Variants in ITPR2 observed in about 807,000 individuals in gnomAD.
The protein encoded by ITPR2 is inositol 1,4,5-trisphosphate-gated calcium channel ITPR2.
A neutral mutation model predicts 317.1 loss-of-function variants in ITPR2; 207 were observed. That is an observed-to-expected ratio of 0.65 (90% CI 0.58 to 0.73). The LOEUF is 0.73. Among genes scored for constraint, ITPR2 ranks in the 30% least tolerant of loss-of-function variants. The pLI is 0.00. For missense variants in ITPR2, 2,613 were observed against 3,284.0 expected, an observed-to-expected ratio of 0.80 and a Z score of 4.99; for synonymous variants, 1,156 against 1,149.1, an observed-to-expected ratio of 1.01 and a Z score of -0.12.
intron 34 of ITPR2, among the ~76,000 whole-genome samples, chr12:26,567,760 G>A (rs1945014840): frequency 6.6e-6 from 1 of 151,140 alleles, no homozygotes; most frequent in Non-Finnish European, 1.5e-5. Flanking sequence ...CAATTTAGCT[G>A]TCCATTGTTT....
intron 32 of ITPR2, among the ~76,000 whole-genome samples, chr12:26,588,856 C>T (rs980689160): frequency 1.3e-5 from 2 of 152,194 alleles, no homozygotes; most frequent in Non-Finnish European, 2.9e-5. Flanking sequence ...TTTCATTCTG[C>T]TAGTACATCA....
intron 34 of ITPR2, among the ~76,000 whole-genome samples, chr12:26,570,933 C>T (rs1484710246): frequency 6.6e-6 from 1 of 152,168 alleles, no homozygotes; most frequent in African/African-American, 2.4e-5. Context: ...TCCTTACTTG[C>T]TCCCACCATC....
intron 2 of ITPR2, among the ~76,000 whole-genome samples, chr12:26,766,701 G>A (rs1394037913): frequency 6.6e-6 from 1 of 152,064 alleles, no homozygotes; most frequent in African/African-American, 2.4e-5. Context: ...CCTAACCCAA[G>A]GTCATACAGA....
chr12:26,711,069 T>A, intron 9 of ITPR2, 104 bp downstream of exon 9: 1 of 701,256 alleles, frequency 1.4e-6, no homozygotes, highest in Non-Finnish European at 2.6e-6. Flanking sequence ...ATCAAATTTG[T>A]GTAATGACTG....
chr12:26,466,196 C>T (rs1352276688), intron 45 of ITPR2, among the ~76,000 whole-genome samples: 1 of 152,194 alleles, frequency 6.6e-6, no homozygotes, highest in East Asian at 1.9e-4. Context: ...AAGTGTTGAT[C>T]ATTGTCCCTG....
intron 2 of ITPR2, among the ~76,000 whole-genome samples, chr12:26,781,761 AGGCTGACCTACCCTTAATCTGGGTG>A (rs1395093573): frequency 6.6e-6 from 1 of 151,972 alleles, no homozygotes; most frequent in African/African-American, 2.4e-5. Context: ...GGGCTGGGAA[AGGCTGACCTACCCTTAATCTGGGTG>A]GGCACCATCT....
intron 45 of ITPR2, among the ~76,000 whole-genome samples, chr12:26,470,265 T>C (rs941714146): frequency 2.0e-5 from 3 of 152,214 alleles, no homozygotes; most frequent in Non-Finnish European, 2.9e-5. Context: ...CTTCTTATTA[T>C]TTTTGCATTA....
chr12:26,412,216 C>G (rs1013426594), intron 51 of ITPR2, among the ~76,000 whole-genome samples: 5 of 152,112 alleles, frequency 3.3e-5, no homozygotes, highest in African/African-American at 1.2e-4. Flanking sequence ...CAATGCCACA[C>G]CATGATTACC....
chr12:26,400,307 T>TAAAATA, intron 52 of ITPR2, 49 bp from the exon 53 acceptor site: 1 of 1,098,826 alleles, frequency 9.1e-7, no homozygotes, highest in Non-Finnish European at 1.2e-6. Flanking sequence ...TAAAAATATA[T>TAAAATA]AAAATAAAAT....
intron 55 of ITPR2, among the ~76,000 whole-genome samples, chr12:26,371,926 T>G (rs1298973887): frequency 3.3e-5 from 5 of 152,164 alleles, no homozygotes; most frequent in Non-Finnish European, 7.4e-5. Context: ...TTTAAAAAAA[T>G]CACATAATTC....
intron 43 of ITPR2, among the ~76,000 whole-genome samples, chr12:26,480,123 C>T (rs1404175368): frequency 6.6e-6 from 1 of 152,198 alleles, no homozygotes; most frequent in Non-Finnish European, 1.5e-5. Context: ...CAGGGCTTCA[C>T]AGATAAATTG....
intron 55 of ITPR2, among the ~76,000 whole-genome samples, chr12:26,363,413 T>G (rs1938902288): frequency 6.6e-6 from 1 of 152,150 alleles, no homozygotes; most frequent in South Asian, 2.1e-4. Context: ...GCACAATAAA[T>G]GTAATGCACT....
chr12:26,578,712 C>A lies in ITPR2; in HGVS notation c.4630+1G>T. ...TAAGTAAAACTCAAACTATGACTTA[C>A]CCACTTCAGCCAAAGTTCTGATACA... On this transcript the variant is annotated splice_donor_variant, in intron 34 of 56. Transcript: ENST00000381340. LOFTEE classifies it high-confidence loss of function. 6.3e-7 allele frequency: 1 copy of A among 1,596,870 alleles called. No homozygotes were observed. Among genetic ancestry groups the A allele is most frequent in the Non-Finnish European group, 8.6e-7 (1 of 1,168,104 alleles).
At chr12:26,713,659 C>A (rs7309262) in intron 8 of ITPR2, among the ~76,000 whole-genome samples, 8,704 of 152,194 alleles carry the variant, frequency 0.057, 314 homozygotes, top group African/African-American at 0.11. Context: ...ATTTTCAAAA[C>A]TCCTTTTAAC....
chr12:26,802,871 C>G (rs1950583339), intron 1 of ITPR2, among the ~76,000 whole-genome samples: 1 of 152,006 alleles, frequency 6.6e-6, no homozygotes, highest in African/African-American at 2.4e-5. Flanking sequence ...TGCTTAATTA[C>G]TGAAAGGGCA....
At chr12:26,525,692 A>T (rs1484640069) in intron 37 of ITPR2, among the ~76,000 whole-genome samples, 1 of 152,166 alleles carries the variant, frequency 6.6e-6, no homozygotes, top group African/African-American at 2.4e-5. Context: ...TTGTTCACAA[A>T]CCACATCCTG....
At chr12:26,681,010 C>T (rs190224111) in intron 13 of ITPR2, among the ~76,000 whole-genome samples, 20 of 152,266 alleles carry the variant, frequency 1.3e-4, no homozygotes, top group African/African-American at 4.6e-4. Context: ...ATGAGAGCTC[C>T]AATGTCTGAA....
At chr12:26,749,351 G>A (rs1949378774) in intron 2 of ITPR2, among the ~76,000 whole-genome samples, 1 of 152,136 alleles carries the variant, frequency 6.6e-6, no homozygotes, top group Admixed American at 6.5e-5. Context: ...AAGCATTAGT[G>A]GAAAAGTCTG....
intron 8 of ITPR2, among the ~76,000 whole-genome samples, chr12:26,714,514 T>C (rs1948703736): frequency 6.6e-6 from 1 of 152,136 alleles, no homozygotes; most frequent in Non-Finnish European, 1.5e-5. Flanking sequence ...ATGTTAGAAT[T>C]TGAGCATTAT....
Sources: allele counts gnomAD v4.1 joint callset (sites outside exome capture counted in the v4.1 genomes callset), GRCh38; gene constraint gnomAD v4.1.1; transcripts MANE v1.5; gene names NCBI Gene and HGNC (gene_info 2026-07-23, HGNC 2026-07-21).